Variants in TGFBR1 observed in about 807,000 individuals in gnomAD.
The protein encoded by TGFBR1 is TGF-beta receptor type-1.
TGFBR1 carries 20 observed loss-of-function variants against 55.1 expected under a neutral mutation model. The ratio of observed to expected loss-of-function variants is 0.36; its 90% CI spans 0.26 to 0.53. TGFBR1 has a LOEUF of 0.53. TGFBR1 is among the 20% of genes least tolerant of loss of function. TGFBR1 has a pLI of 0.91. For synonymous variants in TGFBR1, 220 were observed against 214.8 expected, an observed-to-expected ratio of 1.02 and a Z score of -0.21; for missense variants, 385 against 617.6, an observed-to-expected ratio of 0.62 and a Z score of 3.99.
At chr9:99,115,369 CCTT>C (rs1463329832) in intron 1 of TGFBR1, among the ~76,000 whole-genome samples, 8 of 152,224 alleles carry the variant, frequency 5.3e-5, no homozygotes, top group South Asian at 4.1e-4. Flanking sequence ...TTCTAGGACA[CCTT>C]CTTCAGGCAT....
At chr9:99,131,692 C>G (rs1827228985) in intron 2 of TGFBR1, among the ~76,000 whole-genome samples, 1 of 151,830 alleles carries the variant, frequency 6.6e-6, no homozygotes, top group Admixed American at 6.6e-5. Flanking sequence ...GACCTATTGG[C>G]CGGGCATGGC....
intron 7 of TGFBR1, 115 bp from the exon 8 acceptor site, chr9:99,147,539 C>T (rs536705409): frequency 3.2e-5 from 32 of 988,630 alleles, no homozygotes; most frequent in Non-Finnish European, 4.3e-5. Flanking sequence ...AATCTCTGTT[C>T]CACATACCTA....
chr9:99,103,813 C>T (rs11466444), upstream of TGFBR1, among the ~76,000 whole-genome samples: 444 of 152,306 alleles, frequency 2.9e-3, no homozygotes, highest in African/African-American at 1.0e-2. Context: ...CGCCTTTTCC[C>T]TTTTCATCTC....
At chr9:99,110,216 A>G (rs1309274993) in intron 1 of TGFBR1, among the ~76,000 whole-genome samples, 2 of 152,064 alleles carry the variant, frequency 1.3e-5, no homozygotes, top group Non-Finnish European at 2.9e-5. Flanking sequence ...TGCTCCCTCA[A>G]AGAACAATTT....
At chr9:99,138,392 G>A (rs569711053) in intron 4 of TGFBR1, among the ~76,000 whole-genome samples, 1 of 152,316 alleles carries the variant, frequency 6.6e-6, no homozygotes, top group Admixed American at 6.5e-5. Flanking sequence ...GAGTACTCAT[G>A]ATATAGAAAA....
chr9:99,119,348 T>C (rs1477248317), intron 1 of TGFBR1, among the ~76,000 whole-genome samples: 1 of 152,178 alleles, frequency 6.6e-6, no homozygotes, highest in Non-Finnish European at 1.5e-5. Context: ...TTCATTTACG[T>C]TCATTATTAC....
At chr9:99,118,722 T>G (rs1826819080) in intron 1 of TGFBR1, among the ~76,000 whole-genome samples, 1 of 150,510 alleles carries the variant, frequency 6.6e-6, no homozygotes, top group Non-Finnish European at 1.5e-5. Flanking sequence ...CATGGCTCAC[T>G]GCAGCCTCAA....
chr9:99,106,991 A>T (rs1219720580), intron 1 of TGFBR1, among the ~76,000 whole-genome samples: 2 of 152,218 alleles, frequency 1.3e-5, no homozygotes, highest in Non-Finnish European at 2.9e-5. Flanking sequence ...TAACATTTCC[A>T]CACCGCTATT....
At chr9:99,140,298 C>CA (rs1483086375) in intron 4 of TGFBR1, among the ~76,000 whole-genome samples, 2 of 151,924 alleles carry the variant, frequency 1.3e-5, no homozygotes, top group Admixed American at 1.3e-4. Flanking sequence ...ACTAAAAATA[C>CA]AAAAAAATTA....
Position 99,150,829 on chromosome 9 carries a change from C to T in TGFBR1, c.*1524C>T, listed in dbSNP as rs2118880431. 4.6e-6 allele frequency: 1 copy of T among 219,238 alleles called. No individual in the cohort carries two copies. The highest frequency in any genetic ancestry group is 6.8e-5 in the East Asian group (1 of 14,768). 13.6% of individuals were successfully genotyped at this position (219,238 alleles called of 1,614,324 possible). A position where few individuals can be genotyped will look rare whatever the true frequency, so the allele number is the denominator to read the frequency against. ...AAGCAAACTTGTCATGGTCTTCTTA[C>T]ATTAAGTTGAAACTAGCTTATAATA... On this transcript the variant is annotated 3_prime_UTR_variant, in exon 9 of 9. Transcript: ENST00000374994.
intron 1 of TGFBR1, among the ~76,000 whole-genome samples, chr9:99,116,350 A>G (rs973871109): frequency 1.3e-5 from 2 of 152,188 alleles, no homozygotes; most frequent in Non-Finnish European, 2.9e-5. Context: ...GAGGACCAAC[A>G]GGCTCAGAAT....
chr9:99,146,336 TG>T (rs1296617991), intron 6 of TGFBR1, 148 bp from the exon 7 acceptor site: 2 of 943,044 alleles, frequency 2.1e-6, no homozygotes, highest in Non-Finnish European at 3.3e-6. Flanking sequence ...CAAACCAGTG[TG>T]GATATTTAAT....
At chr9:99,112,041 T>C (rs1232283899) in intron 1 of TGFBR1, among the ~76,000 whole-genome samples, 2 of 152,134 alleles carry the variant, frequency 1.3e-5, no homozygotes, top group African/African-American at 2.4e-5. Flanking sequence ...GCATTCTAAG[T>C]TTCAGGATTT....
At position 99,152,708 on chromosome 9, in the gene TGFBR1, G is replaced by A. The variant is rs1828012519; in HGVS notation, c.*3403G>A. On this transcript the variant is annotated 3_prime_UTR_variant, in exon 9 of 9. Transcript: ENST00000374994. The stretch of plus-strand genomic sequence containing the variant: ...TGTTTCTTGACCATGGCAGTGTTCT[G>A]GCTCCAAATGGTAGTGATTCCAAAT... 4.4e-6 allele frequency: 1 copy of A among 226,382 alleles called. No individual in the cohort carries two copies. The highest frequency in any genetic ancestry group is 8.8e-6 in the Non-Finnish European group (1 of 113,798). The allele number at this position is 226,382 out of a possible 1,614,324, so 14.0% of individuals were successfully genotyped here. A position where few individuals can be genotyped will look rare whatever the true frequency, so the allele number is the denominator to read the frequency against.
intron 1 of TGFBR1, among the ~76,000 whole-genome samples, chr9:99,106,565 A>G (rs905872943): frequency 6.6e-6 from 1 of 152,248 alleles, no homozygotes; most frequent in Admixed American, 6.5e-5. Context: ...CACCACAAGT[A>G]AACTCCCAGG....
At chr9:99,132,786 A>C (rs1452294114) in intron 3 of TGFBR1, 47 bp downstream of exon 3, 1 of 1,610,868 alleles carries the variant, frequency 6.2e-7, no homozygotes, top group East Asian at 2.2e-5. Context: ...TTTTAAAATT[A>C]AGCGATACTT....
chr9:99,135,178 C>T (rs1466929099), intron 3 of TGFBR1, among the ~76,000 whole-genome samples: 3 of 152,006 alleles, frequency 2.0e-5, no homozygotes, highest in Admixed American at 6.6e-5. Flanking sequence ...ATCAGTTGAC[C>T]ACATTGTACA....
In TGFBR1 at chr9:99,115,229, TC is replaced by T. The variant is rs140418630; in HGVS notation, c.97+9929del. ...AGTTGCTGTACTACTTCAGGTCTGT[TC>T]CAGTGTTTCCTTGTTCTCACCACCA... On this transcript the variant is annotated intron_variant, in intron 1 of 8. Coordinates refer to ENST00000374994, the MANE Select transcript of TGFBR1 (RefSeq NM_004612.4). 9.8e-3 allele frequency among the ~76,000 whole-genome samples: 1,486 copies of T among 152,252 alleles called. 24 individuals are homozygous for T. The highest frequency in any genetic ancestry group is 0.034 in the African/African-American group (1,422 of 41,542).
chr9:99,149,376 T>C lies in TGFBR1; in HGVS notation c.*71T>C. ...CTGGGTTTTAATTTGGGAGGTCAAT[T>C]GTTCTACCTCACTGAGAGGGAACAG... On this transcript the variant is annotated 3_prime_UTR_variant, in exon 9 of 9. Coordinates refer to ENST00000374994, the MANE Select transcript of TGFBR1 (RefSeq NM_004612.4). 6.3e-7 allele frequency: 1 copy of C among 1,590,764 alleles called. No individual in the cohort carries two copies. The highest frequency in any genetic ancestry group is 8.6e-7 in the Non-Finnish European group (1 of 1,160,186).
Sources: gnomAD v4.1 joint callset for allele counts (sites outside exome capture counted in the v4.1 genomes callset) on GRCh38, gnomAD v4.1.1 for gene constraint, MANE v1.5 for transcripts, NCBI Gene and HGNC (gene_info 2026-07-23, HGNC 2026-07-21) for gene names.